HECW1: variants seen among roughly 807,000 people sequenced by gnomAD.
HECW1 encodes the protein HECT, C2 and WW domain containing E3 ubiquitin protein ligase 1, also known as E3 ubiquitin-protein ligase HECW1.
HECW1 carries 61 observed loss-of-function variants against 182.3 expected under a neutral mutation model. That is an observed-to-expected ratio of 0.33 (90% CI 0.27 to 0.41). The LOEUF (loss-of-function observed/expected upper bound fraction) is 0.41. HECW1 is among the 10% of genes least tolerant of loss of function. The pLI, the probability that HECW1 is intolerant of heterozygous loss-of-function variation, is 1.00. For missense variants in HECW1, 1,739 were observed against 2,108.9 expected, an observed-to-expected ratio of 0.82 and a Z score of 3.44; for synonymous variants, 859 against 832.6, an observed-to-expected ratio of 1.03 and a Z score of -0.55.
chr7:43,155,542 T>G (rs1789792062), intron 2 of HECW1, among the ~76,000 whole-genome samples: 1 of 152,210 alleles, frequency 6.6e-6, no homozygotes, highest in Non-Finnish European at 1.5e-5. Context: ...AATTTGTATT[T>G]TACTTTGGCA....
chr7:43,134,490 G>GTTAAGTTAA (rs1787312346), intron 2 of HECW1, among the ~76,000 whole-genome samples: 1 of 151,438 alleles, frequency 6.6e-6, no homozygotes, highest in African/African-American at 2.4e-5. Flanking sequence ...ATGTTTAAGT[G>GTTAAGTTAA]TTTTTATGTT....
At chr7:43,546,258 T>G (rs2081559717) in intron 26 of HECW1, among the ~76,000 whole-genome samples, 1 of 141,668 alleles carries the variant, frequency 7.1e-6, no homozygotes, top group East Asian at 2.2e-4. Flanking sequence ...ATCCACAGTC[T>G]CTTTCATGAT....
At chr7:43,418,482 G>T (rs534735213) in intron 8 of HECW1, among the ~76,000 whole-genome samples, 2 of 152,232 alleles carry the variant, frequency 1.3e-5, no homozygotes, top group African/African-American at 4.8e-5. Flanking sequence ...CCATATGCTA[G>T]ATCTTCAGAG....
chr7:43,263,970 G>A (rs1429702390), intron 3 of HECW1, among the ~76,000 whole-genome samples: 1 of 152,032 alleles, frequency 6.6e-6, no homozygotes. Flanking sequence ...TAATAACTGT[G>A]GGATTATCCC....
intron 19 of HECW1, among the ~76,000 whole-genome samples, chr7:43,496,231 T>G (rs1405788734): frequency 6.6e-6 from 1 of 151,138 alleles, no homozygotes; most frequent in Admixed American, 6.6e-5. Flanking sequence ...TTTAAGGTTA[T>G]GGACTCCTTT....
At position 43,178,786 on chromosome 7, in the gene HECW1, C is replaced by T. The variant is rs552511459; in HGVS notation, c.-32+64395C>T. Among the ~76,000 whole-genome samples the T allele has an allele frequency of 1.9e-3, 293 of 152,316 alleles. 1 individual carries two copies. Among genetic ancestry groups the T allele is most frequent in the Middle Eastern group, 6.8e-3 (2 of 294 alleles). ...AATCACTGTGGTTCACTACCAGAGC[C>T]GCTGTGGCGTTCCTCAACTCCAGCC... On this transcript the variant is annotated intron_variant, in intron 2 of 29. Transcript: ENST00000395891.
At chr7:43,307,985 A>G (rs1807841317) in intron 3 of HECW1, among the ~76,000 whole-genome samples, 1 of 128,466 alleles carries the variant, frequency 7.8e-6, no homozygotes, top group African/African-American at 3.0e-5. Context: ...ATATTATAGA[A>G]CATATAATAT....
At chr7:43,541,745 A>C in intron 25 of HECW1, 124 bp from the exon 26 acceptor site, 2 of 870,642 alleles carry the variant, frequency 2.3e-6, no homozygotes, top group Non-Finnish European at 3.2e-6. Flanking sequence ...CAGTGGATTC[A>C]AAAGTATCCA....
intron 2 of HECW1, among the ~76,000 whole-genome samples, chr7:43,216,150 GT>G (rs939512241): frequency 1.3e-5 from 2 of 151,900 alleles, no homozygotes; most frequent in Admixed American, 1.3e-4. Context: ...GTTTGTTTTT[GT>G]TTTTGTTTTT....
At chr7:43,359,841 A>G (rs939479627) in intron 5 of HECW1, among the ~76,000 whole-genome samples, 1 of 152,242 alleles carries the variant, frequency 6.6e-6, no homozygotes, top group Non-Finnish European at 1.5e-5. Context: ...GGACCAAGAC[A>G]TAGCCTGGTA....
At chr7:43,500,591 C>T (rs1448535091) in intron 19 of HECW1, 108 bp from the exon 20 acceptor site, 8 of 883,538 alleles carry the variant, frequency 9.1e-6, no homozygotes, top group Non-Finnish European at 1.5e-5. Context: ...GACGTTAGGA[C>T]ATTGCTATTC....
At chr7:43,486,364 C>T (rs758333938) in intron 17 of HECW1, among the ~76,000 whole-genome samples, 22 of 151,978 alleles carry the variant, frequency 1.4e-4, no homozygotes, top group South Asian at 2.1e-4. Context: ...TGCAATGGCA[C>T]GATCTTGGCT....
At chr7:43,165,587 A>G (rs1042866762) in intron 2 of HECW1, among the ~76,000 whole-genome samples, 1 of 152,180 alleles carries the variant, frequency 6.6e-6, no homozygotes, top group Non-Finnish European at 1.5e-5. Context: ...TGTGCATTTG[A>G]AAAGGACACA....
At chr7:43,399,031 A>G (rs1286241444) in intron 7 of HECW1, among the ~76,000 whole-genome samples, 1 of 152,232 alleles carries the variant, frequency 6.6e-6, no homozygotes, top group Non-Finnish European at 1.5e-5. Context: ...GTTTTACAAT[A>G]CTGACATTAT....
intron 2 of HECW1, among the ~76,000 whole-genome samples, chr7:43,153,166 AT>A (rs931799526): frequency 2.7e-5 from 4 of 150,812 alleles, no homozygotes. Flanking sequence ...TGGTCTTTGC[AT>A]TTTTTTTTAA....
At chr7:43,174,305 G>T (rs900767561) in intron 2 of HECW1, among the ~76,000 whole-genome samples, 1 of 152,196 alleles carries the variant, frequency 6.6e-6, no homozygotes, top group African/African-American at 2.4e-5. Flanking sequence ...TATGAGGGAG[G>T]CTGGACCCTT....
At chr7:43,315,924 G>A (rs1809186991) in intron 4 of HECW1, among the ~76,000 whole-genome samples, 1 of 152,112 alleles carries the variant, frequency 6.6e-6, no homozygotes, top group African/African-American at 2.4e-5. Flanking sequence ...TTTCTGATGG[G>A]TGTAGGAGAC....
intron 6 of HECW1, among the ~76,000 whole-genome samples, chr7:43,392,739 C>G (rs2075085352): frequency 6.6e-6 from 1 of 152,166 alleles, no homozygotes; most frequent in Non-Finnish European, 1.5e-5. Context: ...CCTCATCTTT[C>G]ATGCAGTGAT....
chr7:43,138,731 T>C (rs775036481), intron 2 of HECW1, among the ~76,000 whole-genome samples: 23 of 152,194 alleles, frequency 1.5e-4, no homozygotes, highest in Non-Finnish European at 2.6e-4. Context: ...AGCAACAGTT[T>C]TAGGACGGAG....
Sources: allele counts gnomAD v4.1 joint callset (sites outside exome capture counted in the v4.1 genomes callset), GRCh38; gene constraint gnomAD v4.1.1; transcripts MANE v1.5; gene names NCBI Gene and HGNC (gene_info 2026-07-23, HGNC 2026-07-21).